Variants in NAT1 observed in about 807,000 individuals in gnomAD.
The protein encoded by NAT1 is arylamine N-acetyltransferase 1.
For missense variants in NAT1, 400 were observed against 339.2 expected (o/e 1.18, Z -1.41); for synonymous variants, 144 against 122.6 (o/e 1.17, Z -1.16).
upstream of NAT1, among the ~76,000 whole-genome samples, chr8:18,206,495 C>T (rs773870375): frequency 9.2e-5 from 14 of 152,178 alleles, no homozygotes; most frequent in Admixed American, 2.6e-4. Flanking sequence ...GGCAAAGATG[C>T]GCACTCTTGC....
intron 2 of NAT1, among the ~76,000 whole-genome samples, chr8:18,182,538 T>C (rs2117225443): frequency 6.6e-6 from 1 of 152,336 alleles, no homozygotes; most frequent in South Asian, 2.1e-4. Context: ...AGAAACTCTT[T>C]TCACTGCTTT....
At chr8:18,210,484 C>G (rs538585865) in intron 1 of NAT1, among the ~76,000 whole-genome samples, 1 of 152,090 alleles carries the variant, frequency 6.6e-6, no homozygotes, top group Admixed American at 6.5e-5. Flanking sequence ...GCTACGAGTA[C>G]TGCTTACTTA....
intron 2 of NAT1, among the ~76,000 whole-genome samples, chr8:18,202,926 G>A (rs895135873): frequency 1.3e-5 from 2 of 152,070 alleles, no homozygotes; most frequent in African/African-American, 2.4e-5. Flanking sequence ...TTTTAGAGGC[G>A]CTGATTGGTC....
chr8:18,220,477 A>T (rs991608980), intron 2 of NAT1, among the ~76,000 whole-genome samples: 1 of 152,238 alleles, frequency 6.6e-6, no homozygotes, highest in African/African-American at 2.4e-5. Flanking sequence ...GCACTGTTAC[A>T]ATCATAGTCT....
intron 1 of NAT1, among the ~76,000 whole-genome samples, chr8:18,214,065 G>A (rs1035842072): frequency 1.3e-5 from 2 of 152,136 alleles, no homozygotes; most frequent in Non-Finnish European, 2.9e-5. Flanking sequence ...CGCCCGCCTC[G>A]GCTTCCCAAA....
chr8:18,184,257 T>A (rs1222620668), intron 2 of NAT1, among the ~76,000 whole-genome samples: 1 of 152,172 alleles, frequency 6.6e-6, no homozygotes, highest in African/African-American at 2.4e-5. Context: ...AGGTTTACAA[T>A]CTGCCTTCTG....
intron 2 of NAT1, among the ~76,000 whole-genome samples, chr8:18,195,407 T>C (rs1803188479): frequency 6.6e-6 from 1 of 152,148 alleles, no homozygotes; most frequent in Non-Finnish European, 1.5e-5. Flanking sequence ...GGTAATTAGA[T>C]ATGCTCAGAA....
intron 2 of NAT1, among the ~76,000 whole-genome samples, chr8:18,172,473 G>C (rs1802134711): frequency 6.6e-6 from 1 of 152,068 alleles, no homozygotes; most frequent in Non-Finnish European, 1.5e-5. Context: ...CTTGCCGCCA[G>C]GCTTGTCACT....
intron 1 of NAT1, among the ~76,000 whole-genome samples, chr8:18,213,723 A>G (rs1804338145): frequency 6.6e-6 from 1 of 152,088 alleles, no homozygotes; most frequent in Admixed American, 6.5e-5. Context: ...CTAAAAAATT[A>G]TCTTTTAACA....
chr8:18,217,762 T>A (rs950577791), intron 1 of NAT1, among the ~76,000 whole-genome samples: 18 of 152,182 alleles, frequency 1.2e-4, no homozygotes, highest in African/African-American at 4.3e-4. Context: ...CAATATTGTT[T>A]ATTGCCCTCA....
chr8:18,172,121 G>C (rs989672577), intron 2 of NAT1, among the ~76,000 whole-genome samples: 1 of 152,102 alleles, frequency 6.6e-6, no homozygotes, highest in Non-Finnish European at 1.5e-5. Context: ...TGAGTGTAGC[G>C]TCACAAGTAA....
In NAT1 at chr8:18,218,346, T is replaced by C. The variant is rs563947012; in HGVS notation, c.-85-1065T>C. 1.6e-4 allele frequency among the ~76,000 whole-genome samples: 24 copies of C among 152,190 alleles called. No individual in the cohort carries two copies. The South Asian group carries it at 2.3e-3, about 14-fold the overall frequency. ...GTTGAGGAGATCACAGCTCAAAAGA[T>C]TGACAGGGGCCCCAGGGCATATAAG... is the stretch of plus-strand genomic sequence containing the variant. On this transcript the variant is annotated intron_variant, in intron 1 of 2. Coordinates refer to ENST00000307719, the MANE Select transcript of NAT1 (RefSeq NM_000662.8).
intron 2 of NAT1, among the ~76,000 whole-genome samples, chr8:18,198,294 A>G (rs2117282135): frequency 6.6e-6 from 1 of 152,332 alleles, no homozygotes; most frequent in Non-Finnish European, 1.5e-5. Context: ...ATTATGAGAG[A>G]GGATGATCAT....
At chr8:18,187,131 T>TA (rs1051431680) in intron 2 of NAT1, among the ~76,000 whole-genome samples, 45 of 152,200 alleles carry the variant, frequency 3.0e-4, no homozygotes, top group Middle Eastern at 6.8e-3. Context: ...ACTTTTGTAC[T>TA]AAAAAAACCA....
upstream of NAT1, among the ~76,000 whole-genome samples, chr8:18,207,813 C>A (rs1053142437): frequency 7.9e-5 from 12 of 152,196 alleles, no homozygotes; most frequent in African/African-American, 2.7e-4. Flanking sequence ...GATACATGCA[C>A]GTATATGTTC....
chr8:18,183,552 A>G (rs1802606287), intron 2 of NAT1, among the ~76,000 whole-genome samples: 1 of 152,190 alleles, frequency 6.6e-6, no homozygotes, highest in Non-Finnish European at 1.5e-5. Context: ...GCCATTAGAG[A>G]TAAATAGCCC....
At chr8:18,217,066 C>A in intron 1 of NAT1, 2 of 998,106 alleles carry the variant, frequency 2.0e-6, no homozygotes, top group Non-Finnish European at 3.0e-6. Flanking sequence ...AGATTGGGTG[C>A]TGTGAGTCTG....
At chr8:18,177,971 G>C (rs7813242) in intron 2 of NAT1, among the ~76,000 whole-genome samples, 40,234 of 151,986 alleles carry the variant, frequency 0.26, 5,917 homozygotes, top group South Asian at 0.38. Flanking sequence ...GTGAGAAACA[G>C]CTGAGTCAGC....
intron 2 of NAT1, among the ~76,000 whole-genome samples, chr8:18,193,451 T>C (rs1019642705): frequency 5.2e-5 from 7 of 133,824 alleles, no homozygotes; most frequent in Admixed American, 2.3e-4. Context: ...AGTGAGACTC[T>C]GTCTAAAAAA....
Sources: gnomAD v4.1 joint callset for allele counts (sites outside exome capture counted in the v4.1 genomes callset) on GRCh38, gnomAD v4.1.1 for gene constraint, MANE v1.5 for transcripts, NCBI Gene and HGNC (gene_info 2026-07-23, HGNC 2026-07-21) for gene names.